The following PDLIM1 variants were observed in gnomAD, a reference collection of about 807,000 sequenced individuals.
PDLIM1 encodes the protein PDZ and LIM domain 1.
In PDLIM1, 25 loss-of-function variants were observed where a neutral mutation model predicts 35.2. That is an observed-to-expected ratio of 0.71 (90% CI 0.52 to 0.99). The LOEUF is 0.99. Ranked by LOEUF, PDLIM1 falls within the 50% of genes least tolerant of loss-of-function variation. PDLIM1 has a pLI of 0.00. For synonymous variants in PDLIM1, 152 were observed against 154.0 expected, an observed-to-expected ratio of 0.99 and a Z score of 0.10; for missense variants, 363 against 415.3, an observed-to-expected ratio of 0.87 and a Z score of 1.09.
intron 4 of PDLIM1, among the ~76,000 whole-genome samples, chr10:95,258,246 C>G (rs2035333327): frequency 6.6e-6 from 1 of 151,232 alleles, no homozygotes; most frequent in South Asian, 2.1e-4. Context: ...GGCGGGGACA[C>G]AGACAAACCA....
At chr10:95,251,678 C>A (rs535740978) in intron 4 of PDLIM1, among the ~76,000 whole-genome samples, 2 of 152,156 alleles carry the variant, frequency 1.3e-5, no homozygotes, top group South Asian at 4.1e-4. Context: ...TTGAAAGCAT[C>A]CAGACAGGAG....
At chr10:95,284,898 A>G (rs1405786756) in intron 1 of PDLIM1, among the ~76,000 whole-genome samples, 3 of 152,178 alleles carry the variant, frequency 2.0e-5, no homozygotes, top group African/African-American at 7.2e-5. Context: ...GAGCAGCCCA[A>G]TTTGCCCAGG....
chr10:95,243,495 C>T (rs2035195019), intron 5 of PDLIM1, among the ~76,000 whole-genome samples: 2 of 152,160 alleles, frequency 1.3e-5, no homozygotes, highest in African/African-American at 2.4e-5. Flanking sequence ...CCTTTAGAAT[C>T]AAGCTCATGA....
intron 4 of PDLIM1, among the ~76,000 whole-genome samples, chr10:95,247,842 T>C (rs2035235946): frequency 6.6e-6 from 1 of 152,244 alleles, no homozygotes; most frequent in Non-Finnish European, 1.5e-5. Context: ...CTATAAATAC[T>C]TCCTGATTCT....
chr10:95,246,631 T>C (rs1175557489), intron 5 of PDLIM1, among the ~76,000 whole-genome samples: 3 of 152,204 alleles, frequency 2.0e-5, no homozygotes, highest in African/African-American at 7.2e-5. Flanking sequence ...GTTTTATCCC[T>C]GATGGACAGA....
chr10:95,243,466 C>T (rs2035194790), intron 5 of PDLIM1, among the ~76,000 whole-genome samples: 1 of 152,184 alleles, frequency 6.6e-6, no homozygotes, highest in African/African-American at 2.4e-5. Flanking sequence ...GCTCAACAAC[C>T]TTGCATGACT....
intron 4 of PDLIM1, among the ~76,000 whole-genome samples, chr10:95,258,960 T>C (rs904980395): frequency 6.6e-6 from 1 of 152,212 alleles, no homozygotes; most frequent in Non-Finnish European, 1.5e-5. Flanking sequence ...TTACATACTG[T>C]ATGATTCCAT....
chr10:95,257,397 GA>G (rs1341364746), intron 4 of PDLIM1, among the ~76,000 whole-genome samples: 3 of 151,474 alleles, frequency 2.0e-5, no homozygotes, highest in South Asian at 2.1e-4. Context: ...TTATGAAATA[GA>G]AAAAATATTT....
At chr10:95,276,351 C>A (rs1485783791) in intron 1 of PDLIM1, among the ~76,000 whole-genome samples, 1 of 152,116 alleles carries the variant, frequency 6.6e-6, no homozygotes, top group African/African-American at 2.4e-5. Flanking sequence ...CTACATAGGA[C>A]CTGGAGTGTC....
chr10:95,259,076 G>T (rs1344135734), intron 4 of PDLIM1, among the ~76,000 whole-genome samples: 1 of 152,146 alleles, frequency 6.6e-6, no homozygotes, highest in Non-Finnish European at 1.5e-5. Flanking sequence ...GGCTATAAAA[G>T]AGCGACATGA....
intron 4 of PDLIM1, among the ~76,000 whole-genome samples, chr10:95,259,084 TG>T (rs968092539): frequency 3.3e-5 from 5 of 152,128 alleles, no homozygotes; most frequent in South Asian, 2.1e-4. Context: ...AAGAGCGACA[TG>T]AGAAACCCTT....
intron 2 of PDLIM1, among the ~76,000 whole-genome samples, chr10:95,269,487 GCTTAAA>G (rs1216698054): frequency 6.6e-6 from 1 of 150,534 alleles, no homozygotes; most frequent in African/African-American, 2.4e-5. Context: ...CAGGAGACTT[GCTTAAA>G]CCCAGGAGGC....
At chr10:95,243,434 C>A (rs1257849930) in intron 5 of PDLIM1, among the ~76,000 whole-genome samples, 1 of 152,174 alleles carries the variant, frequency 6.6e-6, no homozygotes, top group Non-Finnish European at 1.5e-5. Flanking sequence ...TAAACCACAG[C>A]TGTTTTTCTG....
At chr10:95,253,553 A>G (rs2035285505) in intron 4 of PDLIM1, among the ~76,000 whole-genome samples, 1 of 152,192 alleles carries the variant, frequency 6.6e-6, no homozygotes, top group East Asian at 1.9e-4. Context: ...CTACTCAAGA[A>G]GCTGAGGCAT....
At position 95,274,543 on chromosome 10, in the gene PDLIM1, C is replaced by G. The variant is rs1269338706; in HGVS notation, c.97-2759G>C. 3.9e-5 allele frequency among the ~76,000 whole-genome samples: 6 copies of G among 152,046 alleles called. No individual in the cohort carries two copies. In the East Asian group the frequency reaches 1.2e-3, roughly 29 times the overall value. On this transcript the variant is annotated intron_variant, in intron 1 of 6. Transcript: ENST00000329399. ...AACTCCTGACCTCAGGTGATCCACC[C>G]ACCTCGGCCTCCCAAAGTGCTGGGA...
rs149732904 is a variant in PDLIM1 at position 95,266,728 on chromosome 10, G to A, written c.333+2050C>T. On this transcript the variant is annotated intron_variant, in intron 3 of 6. Transcript: ENST00000329399. ...AATGGAAAATTCAGGTTGAAAATTC[G>A]GATGATTTCACTTTCTAAAGAATCT... 4.4e-3 allele frequency among the ~76,000 whole-genome samples: 676 copies of A among 152,090 alleles called. 1 individual carries two copies. Among genetic ancestry groups the A allele is most frequent in the Middle Eastern group, 6.8e-3 (2 of 294 alleles).
Position 95,277,914 on chromosome 10 carries a change from G to A in PDLIM1, c.97-6130C>T, listed in dbSNP as rs145322265. On this transcript the variant is annotated intron_variant, in intron 1 of 6. Transcript: ENST00000329399. ...ACTTCTAACTGGTGTAAATAAAATC[G>A]GATGATGATGTAGCTCTCCCACTTT... Among the ~76,000 whole-genome samples the A allele has an allele frequency of 7.4e-3, 1,133 of 152,222 alleles. 2 individuals are homozygous for A. Among genetic ancestry groups the A allele is most frequent in the Middle Eastern group, 0.027 (8 of 294 alleles).
chr10:95,238,173 G>T, intron 6 of PDLIM1, 62 bp from the exon 7 acceptor site: 9 of 1,448,510 alleles, frequency 6.2e-6, no homozygotes, highest in Middle Eastern at 2.0e-4. Flanking sequence ...TGGCACCTGA[G>T]CAGGTGGCAC....
intron 1 of PDLIM1, among the ~76,000 whole-genome samples, chr10:95,283,867 C>T (rs1418031203): frequency 2.0e-5 from 3 of 152,152 alleles, no homozygotes; most frequent in African/African-American, 7.2e-5. Flanking sequence ...ACTGACCTTC[C>T]GGCAAAGGTC....
Sources: allele counts gnomAD v4.1 joint callset (sites outside exome capture counted in the v4.1 genomes callset), GRCh38; gene constraint gnomAD v4.1.1; transcripts MANE v1.5; gene names NCBI Gene and HGNC (gene_info 2026-07-23, HGNC 2026-07-21).